NRG1: variants seen among roughly 807,000 people sequenced by gnomAD.
The protein encoded by NRG1 is neuregulin 1, also known as pro-neuregulin-1, membrane-bound isoform.
In NRG1, 18 loss-of-function variants were observed where a neutral mutation model predicts 63.8. The observed-to-expected ratio is 0.28, with a 90% CI of 0.19 to 0.42. The LOEUF (loss-of-function observed/expected upper bound fraction) is 0.42, where lower values mean the gene tolerates loss of function less well. NRG1 is among the 10% of genes least tolerant of loss of function. NRG1 has a pLI of 1.00. For synonymous variants in NRG1, 302 were observed against 301.3 expected, an observed-to-expected ratio of 1.00 and a Z score of -0.02; for missense variants, 762 against 814.7, an observed-to-expected ratio of 0.94 and a Z score of 0.79.
intron 1 of NRG1, among the ~76,000 whole-genome samples, chr8:31,662,995 A>C (rs746069555): frequency 1.5e-4 from 23 of 152,032 alleles, no homozygotes; most frequent in Admixed American, 3.3e-4. Flanking sequence ...GGCTTGTATT[A>C]CCAGGGATGA....
intron 1 of NRG1, among the ~76,000 whole-genome samples, chr8:32,411,269 A>G (rs574336240): frequency 6.6e-6 from 1 of 152,338 alleles, no homozygotes; most frequent in African/African-American, 2.4e-5. Context: ...AGAATAAACC[A>G]GAATCTGGGG....
chr8:32,295,852 G>T (rs7838161), intron 1 of NRG1, among the ~76,000 whole-genome samples: 31,700 of 150,866 alleles, frequency 0.21, 3,779 homozygotes, highest in African/African-American at 0.33. Context: ...CAGGGGAATT[G>T]CTTGAACCCG....
intron 1 of NRG1, among the ~76,000 whole-genome samples, chr8:31,680,682 T>C: frequency 6.6e-6 from 1 of 151,736 alleles, no homozygotes; most frequent in Non-Finnish European, 1.5e-5. Flanking sequence ...GGTCAAATGG[T>C]ATTTCTAGTT....
At chr8:31,722,758 A>C (rs562839681) in intron 1 of NRG1, among the ~76,000 whole-genome samples, 1 of 152,312 alleles carries the variant, frequency 6.6e-6, no homozygotes, top group South Asian at 2.1e-4. Context: ...CCTAATGAAA[A>C]GAGCTTAGAC....
chr8:31,919,350 A>C (rs1201089200), intron 1 of NRG1, among the ~76,000 whole-genome samples: 1 of 151,196 alleles, frequency 6.6e-6, no homozygotes, highest in Non-Finnish European at 1.5e-5. Context: ...ACGCTTTTCA[A>C]CCAAATACAA....
At chr8:32,594,923 T>C (rs1472350044) in intron 1 of NRG1, among the ~76,000 whole-genome samples, 3 of 152,184 alleles carry the variant, frequency 2.0e-5, no homozygotes, top group South Asian at 2.1e-4. Context: ...AAAGGAGCCA[T>C]TGTTAAGATT....
intron 1 of NRG1, among the ~76,000 whole-genome samples, chr8:32,526,557 G>A (rs899290555): frequency 6.6e-6 from 1 of 152,126 alleles, no homozygotes; most frequent in South Asian, 2.1e-4. Flanking sequence ...TTAGTCTGTT[G>A]ATATAGGAGG....
chr8:31,715,157 TAA>T, intron 1 of NRG1, among the ~76,000 whole-genome samples: 1 of 152,282 alleles, frequency 6.6e-6, no homozygotes, highest in East Asian at 1.9e-4. Flanking sequence ...AGGGTCATGA[TAA>T]AGTCTTGAAT....
At chr8:31,889,931 AT>A (rs1286821792) in intron 1 of NRG1, among the ~76,000 whole-genome samples, 1 of 152,202 alleles carries the variant, frequency 6.6e-6, no homozygotes, top group Admixed American at 6.5e-5. Flanking sequence ...TAACCTGATA[AT>A]TAATATGTAT....
At chr8:32,482,443 T>TA in intron 1 of NRG1, among the ~76,000 whole-genome samples, 1 of 135,580 alleles carries the variant, frequency 7.4e-6, no homozygotes, top group East Asian at 2.4e-4. Context: ...TATCTGTAAA[T>TA]AACATCCATA....
intron 1 of NRG1, among the ~76,000 whole-genome samples, chr8:32,228,146 T>C (rs929026309): frequency 1.3e-5 from 2 of 152,212 alleles, no homozygotes; most frequent in African/African-American, 4.8e-5. Context: ...ATTTATACAA[T>C]AATTTCTTGG....
At chr8:32,760,996 G>T in intron 11 of NRG1, 1 of 985,932 alleles carries the variant, frequency 1.0e-6, no homozygotes, top group South Asian at 4.7e-5. Flanking sequence ...GCTGCGTCTG[G>T]CAGTCTTCAC....
At chr8:32,662,896 T>C (rs1349869214) in intron 5 of NRG1, among the ~76,000 whole-genome samples, 1 of 152,180 alleles carries the variant, frequency 6.6e-6, no homozygotes, top group East Asian at 1.9e-4. Context: ...ACTGTGGACA[T>C]TACCTTCTCA....
chr8:32,582,091 A>ATTTTG (rs1656638449), intron 1 of NRG1, among the ~76,000 whole-genome samples: 1 of 116,816 alleles, frequency 8.6e-6, no homozygotes, highest in African/African-American at 3.2e-5. Flanking sequence ...ATTTTATTTT[A>ATTTTG]TTTTGTTTTG....
At chr8:32,127,568 CA>C (rs925906307) in intron 1 of NRG1, among the ~76,000 whole-genome samples, 17 of 121,924 alleles carry the variant, frequency 1.4e-4, no homozygotes, top group Admixed American at 1.0e-3. Flanking sequence ...TTTAGAAATT[CA>C]AAAAAAATGA....
intron 1 of NRG1, among the ~76,000 whole-genome samples, chr8:32,002,941 C>T (rs1320004806): frequency 6.6e-6 from 1 of 152,034 alleles, no homozygotes; most frequent in African/African-American, 2.4e-5. Flanking sequence ...ATGGCTTCTA[C>T]CTTCCTCTAT....
intron 1 of NRG1, among the ~76,000 whole-genome samples, chr8:32,360,183 G>A (rs1807024210): frequency 6.6e-6 from 1 of 152,040 alleles, no homozygotes. Context: ...ATGTTTCCAG[G>A]GGCCAAACCT....
chr8:32,414,170 T>C (rs1815526095), intron 1 of NRG1, among the ~76,000 whole-genome samples: 1 of 152,052 alleles, frequency 6.6e-6, no homozygotes, highest in Admixed American at 6.6e-5. Context: ...GGACTCAGAG[T>C]CTTCCTCTAA....
chr8:32,146,105 A>G (rs1836844483), intron 1 of NRG1, among the ~76,000 whole-genome samples: 1 of 152,230 alleles, frequency 6.6e-6, no homozygotes, highest in East Asian at 1.9e-4. Flanking sequence ...CTAATTGCCC[A>G]GTGCCTCTGG....
Sources: allele counts gnomAD v4.1 joint callset (sites outside exome capture counted in the v4.1 genomes callset), GRCh38; gene constraint gnomAD v4.1.1; transcripts MANE v1.5; gene names NCBI Gene and HGNC (gene_info 2026-07-23, HGNC 2026-07-21).